FIGN: variants seen among roughly 807,000 people sequenced by gnomAD.
FIGN encodes the protein fidgetin.
Under a neutral mutation model 51.3 loss-of-function variants are expected in FIGN, and 11 were observed. That is an observed-to-expected ratio of 0.21 (90% CI 0.13 to 0.35). The LOEUF is 0.35. Ranked by LOEUF, FIGN falls within the 10% of genes least tolerant of loss-of-function variation. The pLI is 1.00. For synonymous variants in FIGN, 407 were observed against 363.2 expected (o/e 1.12, Z -1.37); for missense variants, 857 against 943.6 (o/e 0.91, Z 1.20).
chr2:163,720,935 C>A (rs1240173260), intron 2 of FIGN, among the ~76,000 whole-genome samples: 2 of 151,960 alleles, frequency 1.3e-5, no homozygotes, highest in African/African-American at 4.8e-5. Context: ...GCCAAAAATT[C>A]TATTACTGAC....
In FIGN at chr2:163,734,904, A is replaced by G. The variant is rs1411756112; in HGVS notation, c.24T>C (p.Tyr8=). 11 of 1,609,992 alleles carry G rather than the reference A, an allele frequency of 6.8e-6. No individual in the cohort carries two copies. The highest frequency in any genetic ancestry group is 2.2e-5 in the East Asian group (1 of 44,486). Residue 8 remains tyrosine, a splice_region_variant and synonymous_variant, in exon 2 of 3, where the codon TAT becomes TAC. Coordinates refer to ENST00000333129, the MANE Select transcript of FIGN (RefSeq NM_018086.4). ...AAGTAAATTCCAAAACTGACATACC[A>G]TAAACACTGGTGCTACTGATCATTT... MISSTSV[Y]GLKMQWTPEH... is the part of the protein sequence containing the mutation.
chr2:163,685,096 T>G (rs568897711), intron 2 of FIGN, among the ~76,000 whole-genome samples: 1 of 152,220 alleles, frequency 6.6e-6, no homozygotes, highest in South Asian at 2.1e-4. Context: ...ACTGTAACTT[T>G]CTTTAAGGTT....
intron 2 of FIGN, among the ~76,000 whole-genome samples, chr2:163,650,181 T>C (rs1683448645): frequency 6.6e-6 from 1 of 152,126 alleles, no homozygotes; most frequent in Non-Finnish European, 1.5e-5. Context: ...CCTAACCTGT[T>C]TTAATGACTA....
At chr2:163,631,793 A>C (rs1275616423) in intron 2 of FIGN, among the ~76,000 whole-genome samples, 1 of 152,218 alleles carries the variant, frequency 6.6e-6, no homozygotes, top group African/African-American at 2.4e-5. Flanking sequence ...AGTGATAAGA[A>C]TATCCACAAA....
chr2:163,659,188 C>T (rs544449349), intron 2 of FIGN, among the ~76,000 whole-genome samples: 14 of 152,218 alleles, frequency 9.2e-5, no homozygotes, highest in African/African-American at 1.9e-4. Context: ...TAATTTGTGT[C>T]TTTGGAAACA....
chr2:163,708,490 G>T (rs1684536008), intron 2 of FIGN, among the ~76,000 whole-genome samples: 1 of 152,134 alleles, frequency 6.6e-6, no homozygotes, highest in African/African-American at 2.4e-5. Context: ...GAAATCTGTG[G>T]CCAAGGCGAA....
intron 2 of FIGN, among the ~76,000 whole-genome samples, chr2:163,721,304 T>C (rs1258639516): frequency 9.9e-5 from 15 of 152,190 alleles, no homozygotes; most frequent in Admixed American, 9.8e-4. Flanking sequence ...GCTACCACTA[T>C]AAGGTTTTAC....
chr2:163,622,312 G>A (rs904262963), intron 2 of FIGN, among the ~76,000 whole-genome samples: 3 of 151,998 alleles, frequency 2.0e-5, no homozygotes, highest in Non-Finnish European at 4.4e-5. Flanking sequence ...TCCAGCCTCG[G>A]CGACACGGTA....
At chr2:163,669,961 C>T (rs1683849211) in intron 2 of FIGN, among the ~76,000 whole-genome samples, 2 of 152,276 alleles carry the variant, frequency 1.3e-5, no homozygotes, top group Admixed American at 1.3e-4. Flanking sequence ...GATGCCCACT[C>T]TTCCAAGGAC....
At chr2:163,635,547 G>T (rs952432022) in intron 2 of FIGN, among the ~76,000 whole-genome samples, 34 of 152,250 alleles carry the variant, frequency 2.2e-4, no homozygotes, top group African/African-American at 7.9e-4. Flanking sequence ...CTGCCTGGGC[G>T]ACAGAGTGAG....
intron 2 of FIGN, among the ~76,000 whole-genome samples, chr2:163,620,413 A>G (rs1396691684): frequency 6.6e-6 from 1 of 152,104 alleles, no homozygotes; most frequent in Non-Finnish European, 1.5e-5. Context: ...GTTCTGTGTC[A>G]CAACAGAGCA....
chr2:163,697,007 A>C (rs1258013002), intron 2 of FIGN, among the ~76,000 whole-genome samples: 1 of 151,412 alleles, frequency 6.6e-6, no homozygotes, highest in Non-Finnish European at 1.5e-5. Context: ...ATAGATACAG[A>C]GGATTAACAG....
Position 163,604,910 on chromosome 2 carries a change from G to A in FIGN, c.*4642C>T, listed in dbSNP as rs1192303873. 8.8e-6 allele frequency: 1 copy of A among 113,728 alleles called. No individual in the cohort carries two copies. The allele number at this position is 113,728 out of a possible 1,614,324, so 7.0% of individuals were successfully genotyped here. A position where few individuals can be genotyped will look rare whatever the true frequency, so the allele number is the denominator to read the frequency against. ...AAGAGAGAGAGATATTAGAGGGAGA[G>A]TTTTAAGCCCAGAAATAAACTTTTG... On this transcript the variant is annotated 3_prime_UTR_variant, in exon 3 of 3. Coordinates refer to ENST00000333129, the MANE Select transcript of FIGN (RefSeq NM_018086.4).
At chr2:163,727,675 C>A (rs1197642180) in intron 2 of FIGN, among the ~76,000 whole-genome samples, 2 of 152,130 alleles carry the variant, frequency 1.3e-5, no homozygotes, top group Non-Finnish European at 2.9e-5. Context: ...AGAATAGTTA[C>A]TTTTTCCAAG....
At chr2:163,733,774 T>C (rs1054369976) in intron 2 of FIGN, among the ~76,000 whole-genome samples, 2 of 152,318 alleles carry the variant, frequency 1.3e-5, no homozygotes, top group African/African-American at 4.8e-5. Flanking sequence ...GGTCTTGTAG[T>C]TCCTCTCTTC....
Position 163,606,220 on chromosome 2 carries a change from T to G in FIGN, c.*3332A>C, listed in dbSNP as rs1691978950. The G allele has an allele frequency of 6.6e-6, 1 of 152,170 alleles. No individual in the cohort carries two copies. Among genetic ancestry groups the G allele is most frequent in the Non-Finnish European group, 1.5e-5 (1 of 68,032 alleles). 9.4% of individuals were successfully genotyped at this position (152,170 alleles called of 1,614,324 possible). On this transcript the variant is annotated 3_prime_UTR_variant, in exon 3 of 3. Transcript: ENST00000333129. ...ATTGATCAGCTCAGTCAGCAAAGTT[T>G]TTCATATTGTCACTAATGTTCTAAA... is the stretch of plus-strand genomic sequence containing the variant.
chr2:163,714,206 C>T (rs976930039), intron 2 of FIGN, among the ~76,000 whole-genome samples: 2 of 152,226 alleles, frequency 1.3e-5, no homozygotes, highest in Admixed American at 1.3e-4. Context: ...TCTCAGGTAC[C>T]CAGGATTTCA....
At chr2:163,645,552 G>A (rs1287172892) in intron 2 of FIGN, among the ~76,000 whole-genome samples, 3 of 152,084 alleles carry the variant, frequency 2.0e-5, no homozygotes, top group Non-Finnish European at 4.4e-5. Context: ...TAACTCTCAC[G>A]CCCAGGCCAC....
chr2:163,697,485 A>C (rs1293675551), intron 2 of FIGN, among the ~76,000 whole-genome samples: 2 of 152,118 alleles, frequency 1.3e-5, no homozygotes, highest in East Asian at 1.9e-4. Flanking sequence ...TCAGGATGTG[A>C]AATGTATTAA....
Sources: gnomAD v4.1 joint callset for allele counts (sites outside exome capture counted in the v4.1 genomes callset) on GRCh38, gnomAD v4.1.1 for gene constraint, MANE v1.5 for transcripts, NCBI Gene and HGNC (gene_info 2026-07-23, HGNC 2026-07-21) for gene names.